PPFIA2: variants seen among roughly 807,000 people sequenced by gnomAD.
PPFIA2 encodes PPFI scaffold protein A2.
A neutral mutation model predicts 175.5 loss-of-function variants in PPFIA2; 46 were observed. That is an observed-to-expected ratio of 0.26 (90% CI 0.21 to 0.34). PPFIA2 has a LOEUF of 0.34. Ranked by LOEUF, PPFIA2 falls within the 10% of genes least tolerant of loss-of-function variation. The pLI is 1.00. For synonymous variants in PPFIA2, 568 were observed against 511.4 expected, an observed-to-expected ratio of 1.11 and a Z score of -1.49; for missense variants, 1,179 against 1,506.1, an observed-to-expected ratio of 0.78 and a Z score of 3.60.
chr12:81,307,286 G>A (rs1025761592), intron 22 of PPFIA2, among the ~76,000 whole-genome samples: 1 of 152,064 alleles, frequency 6.6e-6, no homozygotes, highest in Non-Finnish European at 1.5e-5. Flanking sequence ...GGAAATAAGA[G>A]TTTGTTCTTC....
rs1170806811 is a variant in PPFIA2, at chr12:81,405,891, G to T, written c.658C>A (p.Arg220Ser). 1.9e-6 allele frequency: 3 copies of T among 1,559,928 alleles called. No individual in the cohort carries two copies. Among genetic ancestry groups the T allele is most frequent in the Non-Finnish European group, 2.6e-6 (3 of 1,149,728 alleles). ...CTTTGTATATGAACATTTTGTTCACGCAAGGCAACAATCTGCAAAATAAAA... is the reference window on the plus strand; with the variant it reads ...CTTTGTATATGAACATTTTGTTCACTCAAGGCAACAATCTGCAAAATAAAA... ...AAANQEIVAL[R>S]EQNVHIQRKM... Residue 220 changes from arginine (R) to serine (S), a missense_variant, in exon 8 of 33, where the codon CGT becomes AGT. Arg to Ser is a moderately radical substitution (Grantham distance 110). Transcript: ENST00000549396.
intron 4 of PPFIA2, among the ~76,000 whole-genome samples, chr12:81,664,153 C>A (rs1183070515): frequency 1.3e-5 from 2 of 152,070 alleles, no homozygotes; most frequent in African/African-American, 2.4e-5. Context: ...TCTAAAACAC[C>A]AAAAGCAATG....
intron 4 of PPFIA2, among the ~76,000 whole-genome samples, chr12:81,563,858 G>T (rs914907117): frequency 2.0e-5 from 3 of 152,176 alleles, no homozygotes; most frequent in African/African-American, 7.2e-5. Flanking sequence ...CAGCATTTGT[G>T]AGGGGAAAAA....
intron 4 of PPFIA2, among the ~76,000 whole-genome samples, chr12:81,480,333 C>T (rs2058056567): frequency 6.6e-6 from 1 of 151,964 alleles, no homozygotes; most frequent in South Asian, 2.1e-4. Context: ...AGGTTCTTAG[C>T]TTCCTTGTAT....
intron 5 of PPFIA2, among the ~76,000 whole-genome samples, chr12:81,449,127 G>A (rs1439431441): frequency 6.6e-6 from 1 of 152,030 alleles, no homozygotes. Context: ...CCACCATGTC[G>A]TATTTCTCAA....
intron 4 of PPFIA2, among the ~76,000 whole-genome samples, chr12:81,497,778 A>T (rs2060189310): frequency 6.6e-6 from 1 of 152,070 alleles, no homozygotes; most frequent in South Asian, 2.1e-4. Flanking sequence ...ACCTCAGGTG[A>T]TCTGCCTGCC....
chr12:81,602,020 G>T (rs1208358511), intron 4 of PPFIA2, among the ~76,000 whole-genome samples: 1 of 150,942 alleles, frequency 6.6e-6, no homozygotes, highest in Admixed American at 6.6e-5. Context: ...TTACTATATT[G>T]TACTATCTTT....
At chr12:81,730,148 T>C (rs1028955192) in intron 3 of PPFIA2, among the ~76,000 whole-genome samples, 1 of 151,654 alleles carries the variant, frequency 6.6e-6, no homozygotes, top group African/African-American at 2.4e-5. Flanking sequence ...TAATACCATA[T>C]GTTCCTTTCC....
intron 19 of PPFIA2, among the ~76,000 whole-genome samples, chr12:81,341,811 C>G (rs1017546446): frequency 1.4e-4 from 21 of 152,176 alleles, no homozygotes; most frequent in Non-Finnish European, 3.1e-4. Flanking sequence ...GAACAATTCA[C>G]TAACATATAG....
intron 4 of PPFIA2, among the ~76,000 whole-genome samples, chr12:81,613,337 C>T (rs2061121074): frequency 6.6e-6 from 1 of 152,116 alleles, no homozygotes; most frequent in Non-Finnish European, 1.5e-5. Flanking sequence ...CACTCTATGA[C>T]ATGAGAACCA....
intron 7 of PPFIA2, among the ~76,000 whole-genome samples, chr12:81,415,522 C>G (rs911410794): frequency 1.3e-5 from 2 of 149,360 alleles, no homozygotes; most frequent in Admixed American, 1.3e-4. Context: ...TACATCTAAA[C>G]TAGTCTTTCT....
intron 4 of PPFIA2, among the ~76,000 whole-genome samples, chr12:81,603,357 AAAG>A (rs1355025865): frequency 7.2e-5 from 11 of 151,838 alleles, no homozygotes; most frequent in Non-Finnish European, 1.6e-4. Flanking sequence ...TTTGAGGGGA[AAAG>A]AAGAACGATC....
At chr12:81,693,301 T>C (rs1445819956) in intron 3 of PPFIA2, among the ~76,000 whole-genome samples, 1 of 152,070 alleles carries the variant, frequency 6.6e-6, no homozygotes, top group East Asian at 1.9e-4. Context: ...GTTTGGATCA[T>C]GGGGGCAGAT....
At chr12:81,631,185 A>G (rs1453310396) in intron 4 of PPFIA2, among the ~76,000 whole-genome samples, 1 of 152,078 alleles carries the variant, frequency 6.6e-6, no homozygotes, top group East Asian at 1.9e-4. Context: ...CATGAGCCAT[A>G]GTGCTTGGCT....
At chr12:81,602,284 G>C (rs1330236355) in intron 4 of PPFIA2, among the ~76,000 whole-genome samples, 1 of 151,704 alleles carries the variant, frequency 6.6e-6, no homozygotes, top group African/African-American at 2.4e-5. Flanking sequence ...CACAAAAAAT[G>C]TATGTTTGTA....
At chr12:81,657,929 A>G (rs1567745738) in intron 4 of PPFIA2, among the ~76,000 whole-genome samples, 2 of 152,180 alleles carry the variant, frequency 1.3e-5, no homozygotes, top group African/African-American at 2.4e-5. Context: ...AAAATTAATC[A>G]TTTATTTATG....
chr12:81,385,547 T>C (rs185008861), intron 8 of PPFIA2, among the ~76,000 whole-genome samples: 2 of 152,278 alleles, frequency 1.3e-5, no homozygotes, highest in Admixed American at 6.6e-5. Flanking sequence ...GGAAATTCTG[T>C]CATTTGTGAC....
chr12:81,705,083 TAAAAAAAAAAAAAAAAA>T (rs557079067), intron 3 of PPFIA2, among the ~76,000 whole-genome samples: 1 of 32,356 alleles, frequency 3.1e-5, no homozygotes, highest in South Asian at 2.2e-3. Flanking sequence ...AAACTCTGTC[TAAAAAAAAAAAAAAAAA>T]AAAAAAAAAA....
rs1301832164 is a variant in PPFIA2 at position 81,561,279 on chromosome 12, A to G, written c.304-103413T>C. On this transcript the variant is annotated intron_variant, in intron 4 of 32. Transcript: ENST00000549396. ...TCCCTTATGATATTGCAGCAAATTT[A>G]ATCTCACTAGTTTCAGACATAACAT... Among the ~76,000 whole-genome samples, 5 of 152,190 alleles carry G rather than the reference A, an allele frequency of 3.3e-5. No individual in the cohort carries two copies. The East Asian group carries it at 9.6e-4, about 29-fold the overall frequency.
Sources: gnomAD v4.1 joint callset for allele counts (sites outside exome capture counted in the v4.1 genomes callset) on GRCh38, gnomAD v4.1.1 for gene constraint, MANE v1.5 for transcripts, NCBI Gene and HGNC (gene_info 2026-07-23, HGNC 2026-07-21) for gene names.